The following PPDPFL variants were observed in gnomAD, a reference collection of about 807,000 sequenced individuals.
The protein encoded by PPDPFL is pancreatic progenitor cell differentiation and proliferation factor like.
Under a neutral mutation model 12.6 loss-of-function variants are expected in PPDPFL, and 12 were observed. The observed-to-expected ratio is 0.95, with a 90% confidence interval of 0.61 to 1.54. The LOEUF is 1.54. Ranked by LOEUF, PPDPFL falls within the 40% of genes most tolerant of loss-of-function variation. PPDPFL has a pLI of 0.00. For missense variants in PPDPFL, 114 were observed against 96.0 expected, an observed-to-expected ratio of 1.19 and a Z score of -0.78; for synonymous variants, 24 against 32.7, an observed-to-expected ratio of 0.73 and a Z score of 0.91.
intron 1 of PPDPFL, among the ~76,000 whole-genome samples, chr8:49,061,086 G>C (rs1360880752): frequency 6.6e-6 from 1 of 152,066 alleles, no homozygotes; most frequent in African/African-American, 2.4e-5. Flanking sequence ...CCTGTCATGG[G>C]TGACAGGTGG....
At chr8:49,057,252 A>G (rs1808124849) in intron 1 of PPDPFL, among the ~76,000 whole-genome samples, 1 of 152,196 alleles carries the variant, frequency 6.6e-6, no homozygotes, top group Non-Finnish European at 1.5e-5. Flanking sequence ...TTGATGAAAT[A>G]TTTATCAACA....
At chr8:49,067,713 T>C (rs1808320971), upstream of PPDPFL, among the ~76,000 whole-genome samples, 1 of 152,244 alleles carries the variant, frequency 6.6e-6, no homozygotes, top group African/African-American at 2.4e-5. Context: ...AGGGTTGCAG[T>C]TGACTAATTA....
At chr8:49,061,404 A>G (rs1257371118) in intron 1 of PPDPFL, among the ~76,000 whole-genome samples, 1 of 152,158 alleles carries the variant, frequency 6.6e-6, no homozygotes, top group South Asian at 2.1e-4. Flanking sequence ...GAACTGTGGG[A>G]CATAAATGTC....
At chr8:49,074,461 A>C (rs375049537) in intron 4 of PPDPFL, 128 bp downstream of exon 4, 23 of 1,543,622 alleles carry the variant, frequency 1.5e-5, no homozygotes, top group South Asian at 3.6e-5. Flanking sequence ...TTGCCTATGA[A>C]GCGCACCTGA....
At chr8:49,059,352 A>G (rs1056080597) in intron 1 of PPDPFL, among the ~76,000 whole-genome samples, 1 of 152,174 alleles carries the variant, frequency 6.6e-6, no homozygotes, top group Non-Finnish European at 1.5e-5. Flanking sequence ...ATGGTAGGGA[A>G]TGAGGTAGCC....
chr8:49,068,142 A>T (rs180930557), upstream of PPDPFL, among the ~76,000 whole-genome samples: 537 of 152,302 alleles, frequency 3.5e-3, 4 homozygotes, highest in African/African-American at 0.012. Context: ...TAGAACCTAA[A>T]CTACCATATC....
At chr8:49,064,329 G>T (rs751937748) in intron 1 of PPDPFL, among the ~76,000 whole-genome samples, 1 of 152,132 alleles carries the variant, frequency 6.6e-6, no homozygotes, top group African/African-American at 2.4e-5. Flanking sequence ...AGAGGTGCTG[G>T]TCAGGAAACA....
chr8:49,068,038 A>G (rs1036482097), upstream of PPDPFL, among the ~76,000 whole-genome samples: 9 of 152,244 alleles, frequency 5.9e-5, no homozygotes, highest in African/African-American at 2.2e-4. Flanking sequence ...TATAGCATTT[A>G]AATCTAAGCC....
chr8:49,055,228 G>A (rs1010552427), intron 1 of PPDPFL, among the ~76,000 whole-genome samples: 10 of 151,942 alleles, frequency 6.6e-5, no homozygotes, highest in African/African-American at 2.2e-4. Context: ...CTTATTGAAA[G>A]CCGTCACCAT....
At chr8:49,060,135 A>G (rs1345567586) in intron 1 of PPDPFL, among the ~76,000 whole-genome samples, 2 of 152,176 alleles carry the variant, frequency 1.3e-5, no homozygotes, top group Non-Finnish European at 2.9e-5. Flanking sequence ...TGCTAAAGCT[A>G]TTCTTTTTTG....
rs555263510 is a variant in PPDPFL at position 49,074,263 on chromosome 8, T to C, written c.163T>C (p.Trp55Arg). The change falls in exon 4 of 5, where the codon TGG becomes CGG. Residue 55 changes from tryptophan (W) to arginine (R), a missense_variant. Trp to Arg is a moderately radical substitution (Grantham distance 101). Transcript: ENST00000522267. ...GCCTGAAGTGGCAGAATCCACCTGG[T>C]GGTTTAAATCGTTTTTCCATTCTGA... ...GLPEVAESTW[W>R]FKSFFHSEPV... 20 of 1,614,010 alleles carry C rather than the reference T, an allele frequency of 1.2e-5. No homozygotes were observed. In the South Asian group the frequency reaches 2.1e-4, roughly 17 times the overall value.
chr8:49,058,458 A>G (rs1312764130), intron 1 of PPDPFL, among the ~76,000 whole-genome samples: 6 of 152,244 alleles, frequency 3.9e-5, no homozygotes, highest in Non-Finnish European at 5.9e-5. Context: ...CATCTTGGAA[A>G]CCAAAAATTA....
chr8:49,072,000 C>T (rs1364553253), upstream of PPDPFL, among the ~76,000 whole-genome samples: 2 of 152,198 alleles, frequency 1.3e-5, no homozygotes. Context: ...CTTGTACATC[C>T]CACACGTGCC....
chr8:49,072,006 G>A (rs1455077552), upstream of PPDPFL, among the ~76,000 whole-genome samples: 2 of 152,210 alleles, frequency 1.3e-5, no homozygotes, highest in African/African-American at 4.8e-5. Context: ...CATCCCACAC[G>A]TGCCCAGCGT....
chr8:49,064,046 T>C (rs1808255456), intron 1 of PPDPFL, among the ~76,000 whole-genome samples: 1 of 152,148 alleles, frequency 6.6e-6, no homozygotes, highest in South Asian at 2.1e-4. Context: ...CTTTCTTCTG[T>C]TACTGAAGCG....
chr8:49,074,184 T>C, intron 3 of PPDPFL, 48 bp downstream of exon 3: 1 of 1,604,702 alleles, frequency 6.2e-7, no homozygotes, highest in Non-Finnish European at 8.5e-7. Context: ...TCTTTTTATT[T>C]TCAATCTCAA....
intron 4 of PPDPFL, 145 bp from the exon 5 acceptor site, chr8:49,075,007 T>G (rs1585677625): frequency 7.1e-7 from 1 of 1,399,692 alleles, no homozygotes; most frequent in Non-Finnish European, 9.5e-7. Flanking sequence ...AATCATTATT[T>G]AAAGTATTTT....
In PPDPFL at chr8:49,062,458, G is replaced by A. The variant is rs537996943; in HGVS notation, c.-45+8089G>A. On this transcript the variant is annotated intron_variant, in intron 1 of 4. Transcript: ENST00000517663. ...CTGGAGTGGGTGTCCTACTTAAGCTGGTTGTGTTTCACAGGGAACACTGTT... is the reference window on the plus strand; with the variant it reads ...CTGGAGTGGGTGTCCTACTTAAGCTAGTTGTGTTTCACAGGGAACACTGTT... Among the ~76,000 whole-genome samples the A allele has an allele frequency of 1.3e-4, 20 of 152,280 alleles. 1 individual carries two copies. Among genetic ancestry groups the A allele is most frequent in the African/African-American group, 4.8e-4 (20 of 41,570 alleles).
Position 49,075,058 on chromosome 8 carries a change from T to G in PPDPFL, c.234-94T>G, listed in dbSNP as rs867186816. The G allele has an allele frequency of 8.2e-5, 125 of 1,524,716 alleles. No homozygotes were observed. In the African/African-American group the frequency reaches 1.3e-3, roughly 16 times the overall value. 94.4% of individuals were successfully genotyped at this position (1,524,716 alleles called of 1,614,324 possible). A position where few individuals can be genotyped will look rare whatever the true frequency, so the allele number is the denominator to read the frequency against. On this transcript the variant is annotated intron_variant, in intron 4 of 4. Transcript: ENST00000522267. ...GATTGATTGTTGGAAAGATGTTTTC[T>G]TGACACTCTTTATCAAGTTTATTCA...
Sources: allele counts gnomAD v4.1 joint callset (sites outside exome capture counted in the v4.1 genomes callset), GRCh38; gene constraint gnomAD v4.1.1; transcripts MANE v1.5; gene names NCBI Gene and HGNC (gene_info 2026-07-23, HGNC 2026-07-21).